The following PCDHA3 variants were observed in gnomAD, a reference collection of about 807,000 sequenced individuals.
PCDHA3 encodes the protein protocadherin alpha 3, also known as protocadherin alpha-3.
In PCDHA3, 41 loss-of-function variants were observed where a neutral mutation model predicts 62.2. The ratio of observed to expected loss-of-function variants is 0.66; its 90% CI spans 0.51 to 0.86. The LOEUF is 0.86. PCDHA3 is among the 40% of genes least tolerant of loss of function. The pLI is 0.00. For synonymous variants in PCDHA3, 640 were observed against 555.4 expected (o/e 1.15, Z -2.14); for missense variants, 1,304 against 1,241.2 (o/e 1.05, Z -0.76).
At chr5:140,883,324 C>A (rs782213205) in intron 1 of PCDHA3, 1 of 1,614,166 alleles carries the variant, frequency 6.2e-7, no homozygotes, top group Non-Finnish European at 8.5e-7. Context: ...AGGTTACCAT[C>A]ACTTCTTTGT....
At chr5:140,927,956 C>G in intron 1 of PCDHA3, 1 of 1,614,224 alleles carries the variant, frequency 6.2e-7, no homozygotes. Flanking sequence ...GACGCTGCCC[C>G]TGGCACAGTG....
intron 1 of PCDHA3, among the ~76,000 whole-genome samples, chr5:140,951,791 A>T (rs375226786): frequency 1.3e-5 from 2 of 152,228 alleles, no homozygotes; most frequent in Non-Finnish European, 2.9e-5. Context: ...AAATACAATT[A>T]TCCCTTCCCA....
intron 1 of PCDHA3, chr5:140,861,278 C>T (rs572060208): frequency 5.3e-4 from 99 of 185,718 alleles, no homozygotes; most frequent in African/African-American, 2.3e-3. Flanking sequence ...GCACTGGCTT[C>T]TGCTCCTTGA....
intron 1 of PCDHA3, chr5:140,884,155 C>G: frequency 6.2e-7 from 1 of 1,613,430 alleles, no homozygotes; most frequent in Non-Finnish European, 8.5e-7. Context: ...TGTACACTGG[C>G]GAGATCAGCA....
At chr5:140,952,921 A>G (rs1385762046) in intron 1 of PCDHA3, among the ~76,000 whole-genome samples, 4 of 152,138 alleles carry the variant, frequency 2.6e-5, no homozygotes, top group African/African-American at 4.8e-5. Context: ...ACATGGCATG[A>G]GCAGGAGCAG....
At chr5:140,889,156 G>T in intron 1 of PCDHA3, among the ~76,000 whole-genome samples, 1 of 150,034 alleles carries the variant, frequency 6.7e-6, no homozygotes, top group Admixed American at 6.6e-5. Flanking sequence ...TTTCTTCTTT[G>T]TTAAGTATTC....
intron 1 of PCDHA3, chr5:140,808,944 G>T: frequency 1.2e-6 from 2 of 1,613,698 alleles, no homozygotes; most frequent in Non-Finnish European, 1.7e-6. Flanking sequence ...TGGTCGGTGG[G>T]TGTGGGCCAC....
intron 1 of PCDHA3, among the ~76,000 whole-genome samples, chr5:140,948,721 A>G (rs1392170905): frequency 2.0e-5 from 3 of 151,530 alleles, no homozygotes; most frequent in African/African-American, 7.2e-5. Flanking sequence ...CTTTTTTATC[A>G]ATAAGTCTAG....
Position 140,801,434 on chromosome 5 carries a change from G to T in PCDHA3, c.237G>T (p.Leu79=). ...KRHGDLLEVN[L]QNGILFVNSR... ...ACGGGGACCTTCTGGAGGTAAATCT[G>T]CAGAATGGCATTTTGTTTGTGAATT... is the stretch of plus-strand genomic sequence containing the variant. The change falls in exon 1 of 4, where the codon CTG becomes CTT. Residue 79 remains leucine (L), a synonymous_variant. Coordinates refer to ENST00000522353, the MANE Select transcript of PCDHA3 (RefSeq NM_018906.3). The T allele has an allele frequency of 6.2e-7, 1 of 1,613,932 alleles. No individual in the cohort carries two copies. The highest frequency in any genetic ancestry group is 1.1e-5 in the South Asian group (1 of 91,062).
At chr5:141,002,491 A>G (rs1244268735) in intron 3 of PCDHA3, among the ~76,000 whole-genome samples, 1 of 152,214 alleles carries the variant, frequency 6.6e-6, no homozygotes, top group Non-Finnish European at 1.5e-5. Flanking sequence ...TGACCTTGTT[A>G]TACAGCTCAG....
chr5:140,902,548 A>G (rs1554190491), intron 1 of PCDHA3, among the ~76,000 whole-genome samples: 1 of 152,028 alleles, frequency 6.6e-6, no homozygotes, highest in East Asian at 1.9e-4. Flanking sequence ...TTCCTTCTAT[A>G]CCCAGATTTT....
At chr5:140,871,456 G>A (rs782153529) in intron 1 of PCDHA3, 2 of 1,607,284 alleles carry the variant, frequency 1.2e-6, no homozygotes, top group East Asian at 4.5e-5. Context: ...AGAGGAGGAA[G>A]GGGAAAGACA....
chr5:140,878,802 A>T (rs2057733011), intron 1 of PCDHA3, among the ~76,000 whole-genome samples: 1 of 152,224 alleles, frequency 6.6e-6, no homozygotes, highest in Non-Finnish European at 1.5e-5. Context: ...TTTTAAAAAC[A>T]TATGGGGGTC....
At chr5:140,835,894 T>C in intron 1 of PCDHA3, 1 of 1,612,042 alleles carries the variant, frequency 6.2e-7, no homozygotes, top group Non-Finnish European at 8.5e-7. Context: ...GAGCGCGCGC[T>C]GTCGAGCTAC....
Position 140,801,799 on chromosome 5 carries a change from A to T in PCDHA3, c.602A>T (p.Asn201Ile). The T allele has an allele frequency of 6.2e-7, 1 of 1,614,092 alleles. No individual in the cohort carries two copies. The highest frequency in any genetic ancestry group is 8.5e-7 in the Non-Finnish European group (1 of 1,180,024). The change falls in exon 1 of 4, where the codon AAT (asparagine) becomes ATT (isoleucine). Residue 201 changes from asparagine to isoleucine, a missense_variant. Physicochemically the swap from Asn to Ile is moderately radical, Grantham distance 149. Transcript: ENST00000522353. ...GGACTCGTGTTGAAAAAAAATTTAA[A>T]TCGAGAGGACACTCCTAAGCATTAT... ...SLGLVLKKNL[N>I]REDTPKHYLL...
At chr5:140,847,344 C>T (rs1478232751) in intron 1 of PCDHA3, 1 of 149,742 alleles carries the variant, frequency 6.7e-6, no homozygotes, top group African/African-American at 2.4e-5. Context: ...ACCTCTTAGG[C>T]TGTTATCAGT....
chr5:140,843,511 C>G (rs1554140155), intron 1 of PCDHA3: 1 of 1,595,670 alleles, frequency 6.3e-7, no homozygotes, highest in Non-Finnish European at 8.6e-7. Context: ...CCACTGAGGG[C>G]GGGTGCCGGG....
rs139533789 is a variant in PCDHA3, at chr5:140,857,716, C to T, written c.2394+54125C>T. On this transcript the variant is annotated intron_variant, in intron 1 of 3. Coordinates refer to ENST00000522353, the MANE Select transcript of PCDHA3 (RefSeq NM_018906.3). Reference sequence around the variant, plus strand: ...TGACGCTGCAGGTGTTCGTGCTGGACGAGAACGACAACGCTCCCGCGCTGC... The same window carrying T: ...TGACGCTGCAGGTGTTCGTGCTGGATGAGAACGACAACGCTCCCGCGCTGC... 4,225 of 1,597,384 alleles carry T rather than the reference C, an allele frequency of 2.6e-3. 332 individuals are homozygous for T. The highest frequency in any genetic ancestry group is 8.2e-3 in the Middle Eastern group (46 of 5,608).
chr5:140,802,707 C>T lies in PCDHA3; in HGVS notation c.1510C>T (p.Leu504=), dbSNP rs782747649. The T allele has an allele frequency of 2.5e-6, 4 of 1,612,414 alleles. No homozygotes were observed. Among genetic ancestry groups the T allele is most frequent in the Non-Finnish European group, 3.4e-6 (4 of 1,179,792 alleles). ...GGAACGGCGGGTGGGGGAGCGCGCG[C>T]TGTCGAGCTACGTGTCGGTACACGC... The part of the protein sequence containing the change: ...LVERRVGERA[L]SSYVSVHAES... The change falls in exon 1 of 4, where the codon CTG becomes TTG. Residue 504 remains leucine (L), a synonymous_variant. Coordinates refer to ENST00000522353, the MANE Select transcript of PCDHA3 (RefSeq NM_018906.3).
Sources: allele counts gnomAD v4.1 joint callset (sites outside exome capture counted in the v4.1 genomes callset), GRCh38; gene constraint gnomAD v4.1.1; transcripts MANE v1.5; gene names NCBI Gene and HGNC (gene_info 2026-07-23, HGNC 2026-07-21).